The following ATAD2B variants were observed in gnomAD, a reference collection of about 807,000 sequenced individuals.
The protein encoded by ATAD2B is ATPase family AAA domain containing 2B.
ATAD2B carries 40 observed loss-of-function variants against 167.6 expected under a neutral mutation model. The observed-to-expected ratio is 0.24, with a 90% CI of 0.19 to 0.31. The LOEUF (loss-of-function observed/expected upper bound fraction) is 0.31, where lower values mean the gene tolerates loss of function less well. Among genes scored for constraint, ATAD2B ranks in the 10% least tolerant of loss-of-function variants. The pLI, the probability that ATAD2B is intolerant of heterozygous loss-of-function variation, is 1.00. For missense variants in ATAD2B, 1,242 were observed against 1,757.2 expected (o/e 0.71, Z 5.24); for synonymous variants, 579 against 596.5 (o/e 0.97, Z 0.43).
At chr2:23,808,483 AATTCCT>A (rs1685008781) in intron 18 of ATAD2B, among the ~76,000 whole-genome samples, 1 of 151,874 alleles carries the variant, frequency 6.6e-6, no homozygotes, top group Admixed American at 6.6e-5. Flanking sequence ...TGTTTCTGCT[AATTCCT>A]ACGTAAACTT....
At chr2:23,813,070 A>G (rs1685858777) in intron 17 of ATAD2B, among the ~76,000 whole-genome samples, 1 of 152,084 alleles carries the variant, frequency 6.6e-6, no homozygotes, top group Non-Finnish European at 1.5e-5. Flanking sequence ...TTGACTGCAA[A>G]GCTCAGGTTC....
the ATAD2B span, chr2:23,685,509 A>C: frequency 6.6e-6 from 1 of 152,210 alleles, no homozygotes; most frequent in East Asian, 1.9e-4. Context: ...GGACTTGCCA[A>C]CTAACCCCGG....
the ATAD2B span, chr2:23,707,893 G>A: frequency 1.3e-5 from 2 of 152,312 alleles, no homozygotes; most frequent in African/African-American, 4.8e-5. Context: ...GGGAAGCCAG[G>A]AGGGAGGTCA....
At position 23,750,691 on chromosome 2, in the gene ATAD2B, T is replaced by TA. The variant is rs1258536368; in HGVS notation, c.*1354dup. 1.2e-4 allele frequency: 18 copies of TA among 152,258 alleles called. No homozygotes were observed. The highest frequency in any genetic ancestry group is 3.4e-4 in the African/African-American group (14 of 41,570). 9.4% of individuals were successfully genotyped at this position (152,258 alleles called of 1,614,324 possible). On this transcript the variant is annotated 3_prime_UTR_variant, in exon 28 of 28. Coordinates refer to ENST00000238789, the MANE Select transcript of ATAD2B (RefSeq NM_017552.4). ...TTGCTGGCAAAATTTTCTTTTTGTT[T>TA]AAAAATCATCTGATAAAAAAAGTCA...
chr2:23,718,589 T>G, the ATAD2B span, among the ~76,000 whole-genome samples: 1 of 152,228 alleles, frequency 6.6e-6, no homozygotes, highest in Non-Finnish European at 1.5e-5. Flanking sequence ...GACTTGCCCC[T>G]GCGTGGTGCA....
intron 18 of ATAD2B, among the ~76,000 whole-genome samples, chr2:23,798,776 T>C (rs186101086): frequency 6.6e-6 from 1 of 152,276 alleles, no homozygotes; most frequent in East Asian, 1.9e-4. Flanking sequence ...TCATACAATA[T>C]ATAATCATTT....
the ATAD2B span, chr2:23,690,663 C>G: frequency 6.6e-6 from 1 of 152,202 alleles, no homozygotes; most frequent in Admixed American, 6.5e-5. Context: ...GCGGCCAAGC[C>G]GACGGCCTGC....
intron 13 of ATAD2B, among the ~76,000 whole-genome samples, chr2:23,841,961 G>C (rs1277443392): frequency 1.3e-5 from 2 of 152,046 alleles, no homozygotes; most frequent in African/African-American, 2.4e-5. Flanking sequence ...ATTTGTTTTT[G>C]TGCTATTTTT....
At chr2:23,817,391 G>T (rs1686609739) in intron 17 of ATAD2B, among the ~76,000 whole-genome samples, 1 of 152,286 alleles carries the variant, frequency 6.6e-6, no homozygotes, top group East Asian at 1.9e-4. Context: ...ATGAAGCACA[G>T]ATCTTTACAT....
At chr2:23,873,323 A>T (rs1696289416) in intron 8 of ATAD2B, among the ~76,000 whole-genome samples, 1 of 152,236 alleles carries the variant, frequency 6.6e-6, no homozygotes, top group Admixed American at 6.5e-5. Flanking sequence ...ATGGTAAATC[A>T]ATTGAAAAGT....
intron 1 of ATAD2B, among the ~76,000 whole-genome samples, chr2:23,916,517 C>T (rs543886564): frequency 7.0e-4 from 107 of 152,290 alleles, no homozygotes; most frequent in African/African-American, 2.5e-3. Flanking sequence ...CATCCTAATA[C>T]TCCAAACCCT....
intron 18 of ATAD2B, among the ~76,000 whole-genome samples, chr2:23,804,767 T>C (rs1684088145): frequency 6.6e-6 from 1 of 151,480 alleles, no homozygotes; most frequent in South Asian, 2.1e-4. Context: ...ATTAAACCAG[T>C]AATGTTTGTG....
intron 15 of ATAD2B, among the ~76,000 whole-genome samples, chr2:23,827,379 AG>A (rs1688415027): frequency 6.6e-6 from 1 of 152,236 alleles, no homozygotes; most frequent in South Asian, 2.1e-4. Flanking sequence ...AAGGAAACTA[AG>A]ATTCTAATAT....
intron 15 of ATAD2B, among the ~76,000 whole-genome samples, chr2:23,826,904 A>G (rs1688344407): frequency 6.6e-6 from 1 of 152,220 alleles, no homozygotes; most frequent in South Asian, 2.1e-4. Context: ...AAAAGTTACC[A>G]AATCCATAAC....
the ATAD2B span, chr2:23,708,167 G>A: frequency 6.6e-6 from 1 of 152,228 alleles, no homozygotes; most frequent in Non-Finnish European, 1.5e-5. Flanking sequence ...CAGTTCTAAC[G>A]TTGGGCATCA....
At chr2:23,805,767 C>G (rs1325976385) in intron 18 of ATAD2B, among the ~76,000 whole-genome samples, 1 of 138,870 alleles carries the variant, frequency 7.2e-6, no homozygotes, top group East Asian at 2.0e-4. Context: ...CTAAGCAGTC[C>G]ACATCTCCAA....
intron 7 of ATAD2B, among the ~76,000 whole-genome samples, chr2:23,879,207 T>C (rs74354042): frequency 0.065 from 9,828 of 152,234 alleles, 408 homozygotes; most frequent in African/African-American, 0.12. Flanking sequence ...CACAACTTTA[T>C]TTGTAATAAC....
chr2:23,799,449 T>C (rs980629372), intron 18 of ATAD2B, among the ~76,000 whole-genome samples: 1 of 151,362 alleles, frequency 6.6e-6, no homozygotes, highest in African/African-American at 2.4e-5. Flanking sequence ...GGCACACGCC[T>C]GTAGTCCCAG....
At chr2:23,744,103 G>A (rs1043452284), downstream of ATAD2B, among the ~76,000 whole-genome samples, 6 of 152,086 alleles carry the variant, frequency 3.9e-5, no homozygotes, top group Non-Finnish European at 7.4e-5. Context: ...ACAACTGGGA[G>A]GACGAGAGGA....
Sources: gnomAD v4.1 joint callset for allele counts (sites outside exome capture counted in the v4.1 genomes callset) on GRCh38, gnomAD v4.1.1 for gene constraint, MANE v1.5 for transcripts, NCBI Gene and HGNC (gene_info 2026-07-23, HGNC 2026-07-21) for gene names.